The following MGAT4A variants were observed in gnomAD, a reference collection of about 807,000 sequenced individuals.
MGAT4A encodes N-acetylglucosaminyltransferase IVa.
MGAT4A carries 33 observed loss-of-function variants against 74.1 expected under a neutral mutation model. The ratio of observed to expected loss-of-function variants is 0.45; its 90% CI spans 0.34 to 0.60. MGAT4A has a LOEUF of 0.60. MGAT4A is among the 20% of genes least tolerant of loss of function. The pLI, the probability that MGAT4A is intolerant of heterozygous loss-of-function variation, is 0.02. For synonymous variants in MGAT4A, 198 were observed against 210.4 expected, an observed-to-expected ratio of 0.94 and a Z score of 0.51; for missense variants, 479 against 628.3, an observed-to-expected ratio of 0.76 and a Z score of 2.54.
At position 98,623,791 on chromosome 2, in the gene MGAT4A, T is replaced by C; in HGVS notation, c.*1775A>G. 1 of 985,362 alleles carries C rather than the reference T, an allele frequency of 1.0e-6. No individual in the cohort carries two copies. Among genetic ancestry groups the C allele is most frequent in the Non-Finnish European group, 1.2e-6 (1 of 829,936 alleles). The allele number at this position is 985,362 out of a possible 1,614,324, so 61.0% of individuals were successfully genotyped here. On this transcript the variant is annotated 3_prime_UTR_variant, in exon 16 of 16. Coordinates refer to ENST00000393487, the MANE Select transcript of MGAT4A (RefSeq NM_012214.3). ...GCACTTTGTAACACAGCACAGGAAA[T>C]GATGCTATTTCATGCTGTTGGTTCA... is the stretch of plus-strand genomic sequence containing the variant.
intron 8 of MGAT4A, among the ~76,000 whole-genome samples, chr2:98,645,880 A>G (rs1701476912): frequency 6.6e-6 from 1 of 152,008 alleles, no homozygotes; most frequent in African/African-American, 2.4e-5. Flanking sequence ...AGCAGAAGTT[A>G]TGGGGAGGGA....
chr2:98,697,987 G>A (rs1702300833), intron 2 of MGAT4A, among the ~76,000 whole-genome samples: 1 of 152,188 alleles, frequency 6.6e-6, no homozygotes. Flanking sequence ...CATTCTAATT[G>A]CTGTTTATAA....
intron 2 of MGAT4A, among the ~76,000 whole-genome samples, chr2:98,710,168 T>C (rs1232653415): frequency 2.6e-5 from 4 of 152,100 alleles, no homozygotes; most frequent in Non-Finnish European, 5.9e-5. Flanking sequence ...TCTTAAGACA[T>C]AGCTAATTCC....
At chr2:98,681,075 C>CG (rs1414563913) in intron 2 of MGAT4A, among the ~76,000 whole-genome samples, 1 of 152,148 alleles carries the variant, frequency 6.6e-6, no homozygotes, top group Non-Finnish European at 1.5e-5. Flanking sequence ...CTCCGCCTCC[C>CG]GGGTTCACAC....
intron 6 of MGAT4A, among the ~76,000 whole-genome samples, chr2:98,657,084 C>A (rs1701671612): frequency 6.6e-6 from 1 of 152,172 alleles, no homozygotes; most frequent in African/African-American, 2.4e-5. Context: ...ATACGGCAGC[C>A]CCCACAACAA....
chr2:98,718,634 T>C (rs1438790502), intron 2 of MGAT4A, among the ~76,000 whole-genome samples: 1 of 152,146 alleles, frequency 6.6e-6, no homozygotes, highest in Non-Finnish European at 1.5e-5. Context: ...CAGGATTTCA[T>C]CCTGGGAGAA....
chr2:98,707,869 T>C (rs553952418), intron 2 of MGAT4A, among the ~76,000 whole-genome samples: 1 of 152,288 alleles, frequency 6.6e-6, no homozygotes, highest in East Asian at 1.9e-4. Flanking sequence ...CTGGATCTTC[T>C]CTATGACTTA....
intron 4 of MGAT4A, among the ~76,000 whole-genome samples, chr2:98,671,943 CAAAAAAAAAAAAAA>C (rs59955000): frequency 3.5e-5 from 1 of 28,616 alleles, no homozygotes; most frequent in Admixed American, 5.3e-4. Context: ...GTGGAAAAGG[CAAAAAAAAAAAAAA>C]AAAAAAAAAA....
chr2:98,667,106 C>T (rs1229700718), intron 4 of MGAT4A, among the ~76,000 whole-genome samples: 2 of 62,540 alleles, frequency 3.2e-5, no homozygotes, highest in Admixed American at 3.9e-4. Context: ...TGCTCTCTGC[C>T]TGCTGCCATC....
At chr2:98,650,464 A>T (rs1188879453) in intron 8 of MGAT4A, among the ~76,000 whole-genome samples, 1 of 152,222 alleles carries the variant, frequency 6.6e-6, no homozygotes, top group Non-Finnish European at 1.5e-5. Flanking sequence ...CAAAAGTCAC[A>T]AAGAATCCTG....
At chr2:98,713,546 G>C (rs1702547255) in intron 2 of MGAT4A, among the ~76,000 whole-genome samples, 1 of 151,908 alleles carries the variant, frequency 6.6e-6, no homozygotes, top group Non-Finnish European at 1.5e-5. Flanking sequence ...TGGATCACTT[G>C]AGGTCAGGAG....
intron 2 of MGAT4A, among the ~76,000 whole-genome samples, chr2:98,682,027 G>C (rs539797434): frequency 6.6e-6 from 1 of 152,080 alleles, no homozygotes; most frequent in Non-Finnish European, 1.5e-5. Context: ...CCATGAGTCC[G>C]TATCAACAAT....
intron 8 of MGAT4A, 77 bp from the exon 9 acceptor site, chr2:98,645,619 T>C (rs1701473301): frequency 5.0e-6 from 5 of 999,302 alleles, no homozygotes; most frequent in Admixed American, 3.6e-5. Context: ...TATGGAAAAA[T>C]ACAAGCATAC....
chr2:98,711,582 TG>T (rs747516818), intron 2 of MGAT4A, among the ~76,000 whole-genome samples: 12 of 152,202 alleles, frequency 7.9e-5, no homozygotes, highest in Non-Finnish European at 1.3e-4. Context: ...TATTTGTGCT[TG>T]TTTTTATATT....
intron 2 of MGAT4A, among the ~76,000 whole-genome samples, chr2:98,725,282 C>T (rs371485939): frequency 1.3e-5 from 2 of 152,104 alleles, no homozygotes; most frequent in African/African-American, 4.8e-5. Context: ...GCTCAAAGCA[C>T]AGAGCATGTT....
intron 14 of MGAT4A, among the ~76,000 whole-genome samples, chr2:98,629,713 A>C (rs1427396256): frequency 6.6e-6 from 1 of 152,178 alleles, no homozygotes; most frequent in Non-Finnish European, 1.5e-5. Flanking sequence ...GATACAAGGG[A>C]ATTTTAGGCA....
intron 2 of MGAT4A, among the ~76,000 whole-genome samples, chr2:98,690,566 A>G (rs1702181963): frequency 6.6e-6 from 1 of 152,206 alleles, no homozygotes; most frequent in Admixed American, 6.5e-5. Flanking sequence ...TAAAAGCCAG[A>G]GTCTTATAAT....
Position 98,622,272 on chromosome 2 carries a change from T to G in MGAT4A, c.*3294A>C. ...GGACACAGTACTGTTCAACAGAGCT[T>G]TCTGCAGTGATGGAAAAGTTCTGCA... On this transcript the variant is annotated 3_prime_UTR_variant, in exon 16 of 16. Coordinates refer to ENST00000393487, the MANE Select transcript of MGAT4A (RefSeq NM_012214.3). The G allele has an allele frequency of 1.0e-6, 1 of 985,440 alleles. No homozygotes were observed. The highest frequency in any genetic ancestry group is 1.2e-6 in the Non-Finnish European group (1 of 829,938). The allele number at this position is 985,440 out of a possible 1,614,324, so 61.0% of individuals were successfully genotyped here. A position where few individuals can be genotyped will look rare whatever the true frequency, so the allele number is the denominator to read the frequency against.
At chr2:98,658,934 CAT>C (rs1701702408) in intron 5 of MGAT4A, among the ~76,000 whole-genome samples, 1 of 152,192 alleles carries the variant, frequency 6.6e-6, no homozygotes, top group South Asian at 2.1e-4. Context: ...TAATGAATCA[CAT>C]ATTCACATTT....
Sources: allele counts gnomAD v4.1 joint callset (sites outside exome capture counted in the v4.1 genomes callset), GRCh38; gene constraint gnomAD v4.1.1; transcripts MANE v1.5; gene names NCBI Gene and HGNC (gene_info 2026-07-23, HGNC 2026-07-21).